ARMH3: variants seen among roughly 807,000 people sequenced by gnomAD.
ARMH3 encodes the protein armadillo like helical domain containing 3, also known as armadillo-like helical domain-containing protein 3.
A neutral mutation model predicts 99.1 loss-of-function variants in ARMH3; 60 were observed. That is an observed-to-expected ratio of 0.61 (90% CI 0.49 to 0.75). ARMH3 has a LOEUF of 0.75. Ranked by LOEUF, ARMH3 falls within the 30% of genes least tolerant of loss-of-function variation. The probability of loss-of-function intolerance (pLI) is 0.00; values close to 1 mark genes in which losing one functional copy is unlikely to be tolerated. For missense variants in ARMH3, 679 were observed against 843.1 expected, an observed-to-expected ratio of 0.81 and a Z score of 2.41; for synonymous variants, 285 against 292.8, an observed-to-expected ratio of 0.97 and a Z score of 0.27.
chr10:101,983,593 C>T (rs1846326677), intron 19 of ARMH3, among the ~76,000 whole-genome samples: 1 of 152,112 alleles, frequency 6.6e-6, no homozygotes, highest in African/African-American at 2.4e-5. Flanking sequence ...ATGAAATCTC[C>T]ATAAGAAACC....
In ARMH3 at chr10:102,025,144, T is replaced by A. The variant is rs759450020; in HGVS notation, c.507+12A>T. 3 of 1,602,196 alleles carry A rather than the reference T, an allele frequency of 1.9e-6. No homozygotes were observed. Among genetic ancestry groups the A allele is most frequent in the Non-Finnish European group, 2.6e-6 (3 of 1,169,402 alleles). ...TGTCAATTAATACCCTTGACAAACA[T>A]AGGTCACTTACGGTCACTAAGCAAA... is the stretch of plus-strand genomic sequence containing the variant. On this transcript the variant is annotated intron_variant, in intron 6 of 25. Transcript: ENST00000370033.
intron 19 of ARMH3, among the ~76,000 whole-genome samples, chr10:101,988,737 A>G (rs772284910): frequency 6.6e-6 from 1 of 152,114 alleles, no homozygotes; most frequent in East Asian, 1.9e-4. Context: ...AGCCTGGCCA[A>G]TGTGGTGAAA....
At chr10:102,003,000 T>TAAATAAAA (rs1554887371) in intron 14 of ARMH3, among the ~76,000 whole-genome samples, 37 of 140,466 alleles carry the variant, frequency 2.6e-4, no homozygotes, top group South Asian at 1.5e-3. Context: ...AATAAATAAA[T>TAAATAAAA]AAAAACAGAT....
At chr10:101,853,942 G>A (rs1389620019) in intron 24 of ARMH3, among the ~76,000 whole-genome samples, 3 of 152,090 alleles carry the variant, frequency 2.0e-5, no homozygotes, top group South Asian at 2.1e-4. Flanking sequence ...GTGAAGCCCC[G>A]TCTCTACTAA....
At chr10:101,955,839 A>G (rs1845009280) in intron 22 of ARMH3, among the ~76,000 whole-genome samples, 1 of 152,230 alleles carries the variant, frequency 6.6e-6, no homozygotes, top group African/African-American at 2.4e-5. Flanking sequence ...TGATTGTGAT[A>G]GTTTCACATA....
At chr10:101,936,969 T>C (rs1844008540) in intron 23 of ARMH3, among the ~76,000 whole-genome samples, 1 of 152,210 alleles carries the variant, frequency 6.6e-6, no homozygotes, top group South Asian at 2.1e-4. Context: ...GGTGAAATAG[T>C]TGCTATCACC....
intron 23 of ARMH3, among the ~76,000 whole-genome samples, chr10:101,904,962 A>G (rs2068067777): frequency 6.6e-6 from 1 of 151,802 alleles, no homozygotes; most frequent in African/African-American, 2.4e-5. Context: ...AAAAAAAAAA[A>G]AAAAGAAAGA....
At chr10:102,045,703 G>A (rs2136272536) in intron 1 of ARMH3, among the ~76,000 whole-genome samples, 1 of 152,188 alleles carries the variant, frequency 6.6e-6, no homozygotes, top group East Asian at 1.9e-4. Context: ...AGCAGTAAAT[G>A]GGACAATTAT....
intron 24 of ARMH3, among the ~76,000 whole-genome samples, chr10:101,876,998 A>G (rs1049019160): frequency 6.6e-6 from 1 of 152,108 alleles, no homozygotes; most frequent in Non-Finnish European, 1.5e-5. Flanking sequence ...ACCTGAGCCC[A>G]GGAGTACAAG....
chr10:102,014,045 C>T (rs2136122239), intron 8 of ARMH3, 21 bp from the exon 9 acceptor site: 2 of 1,592,804 alleles, frequency 1.3e-6, no homozygotes, highest in East Asian at 4.5e-5. Flanking sequence ...AGAGAAGAGA[C>T]TCCAGGTAAG....
rs372325007 is a variant in ARMH3 at position 101,847,675 on chromosome 10, G to C, written c.1978-55C>G. The C allele has an allele frequency of 7.0e-5, 106 of 1,521,770 alleles. No homozygotes were observed. In the African/African-American group the frequency reaches 1.2e-3, roughly 18 times the overall value. The allele number at this position is 1,521,770 out of a possible 1,614,324, so 94.3% of individuals were successfully genotyped here. A position where few individuals can be genotyped will look rare whatever the true frequency, so the allele number is the denominator to read the frequency against. On this transcript the variant is annotated intron_variant, in intron 25 of 25. Transcript: ENST00000370033. ...GGGCGCAGCCAGAGAGAAAACAGGA[G>C]AGAGTCAGTTCTAAACGGCAGAGGA...
At chr10:101,898,277 G>C (rs1022795120) in intron 23 of ARMH3, among the ~76,000 whole-genome samples, 8 of 151,516 alleles carry the variant, frequency 5.3e-5, no homozygotes, top group African/African-American at 1.9e-4. Context: ...GATGATTTGA[G>C]CCAGGGATGT....
chr10:101,851,744 AG>A (rs1328307349), intron 24 of ARMH3, among the ~76,000 whole-genome samples: 2 of 152,228 alleles, frequency 1.3e-5, no homozygotes, highest in Admixed American at 6.5e-5. Flanking sequence ...TTGGGAGGGA[AG>A]GAACAGCTAG....
chr10:101,952,908 G>A (rs1333259061), intron 22 of ARMH3, among the ~76,000 whole-genome samples: 1 of 152,102 alleles, frequency 6.6e-6, no homozygotes, highest in East Asian at 1.9e-4. Flanking sequence ...CCTCATATAA[G>A]TACTACCCCT....
intron 23 of ARMH3, among the ~76,000 whole-genome samples, chr10:101,935,568 A>G (rs890069574): frequency 6.6e-6 from 1 of 152,312 alleles, no homozygotes; most frequent in African/African-American, 2.4e-5. Context: ...ACCTTACAGT[A>G]GTCATCAGAT....
At chr10:102,014,651 T>C (rs1298846070) in intron 8 of ARMH3, among the ~76,000 whole-genome samples, 1 of 152,178 alleles carries the variant, frequency 6.6e-6, no homozygotes, top group African/African-American at 2.4e-5. Context: ...AAGGATGTAA[T>C]TACCCAAACA....
intron 24 of ARMH3, among the ~76,000 whole-genome samples, chr10:101,880,692 G>A (rs1332309289): frequency 6.6e-6 from 1 of 151,916 alleles, no homozygotes; most frequent in South Asian, 2.1e-4. Context: ...TTACTAGTAC[G>A]CCAAGGACCA....
In ARMH3 at chr10:102,009,969, G is replaced by T. The variant is rs957428956; in HGVS notation, c.878+8C>A. The T allele has an allele frequency of 1.2e-6, 2 of 1,613,064 alleles. No individual in the cohort carries two copies. Among genetic ancestry groups the T allele is most frequent in the Non-Finnish European group, 1.7e-6 (2 of 1,179,154 alleles). On this transcript the variant is annotated splice_region_variant and intron_variant, in intron 12 of 25. Transcript: ENST00000370033. ...CCAAGTCACTGCACAAGAATGTCAG[G>T]CACTTACTGTACTGAGATTTTCTCA...
At chr10:101,894,996 T>C (rs921148165) in intron 23 of ARMH3, among the ~76,000 whole-genome samples, 3 of 152,112 alleles carry the variant, frequency 2.0e-5, no homozygotes, top group Non-Finnish European at 4.4e-5. Flanking sequence ...CTGCTGGACT[T>C]TGATGTGGGA....
Sources: allele counts gnomAD v4.1 joint callset (sites outside exome capture counted in the v4.1 genomes callset), GRCh38; gene constraint gnomAD v4.1.1; transcripts MANE v1.5; gene names NCBI Gene and HGNC (gene_info 2026-07-23, HGNC 2026-07-21).